Variants in GRIK2 observed in about 807,000 individuals in gnomAD.
GRIK2 encodes glutamate receptor ionotropic, kainate 2.
A neutral mutation model predicts 100.3 loss-of-function variants in GRIK2; 32 were observed. The observed-to-expected ratio is 0.32, with a 90% confidence interval of 0.24 to 0.43. The LOEUF (loss-of-function observed/expected upper bound fraction) is 0.43. GRIK2 is among the 20% of genes least tolerant of loss of function. The pLI, the probability that GRIK2 is intolerant of heterozygous loss-of-function variation, is 1.00. For synonymous variants in GRIK2, 417 were observed against 389.4 expected (o/e 1.07, Z -0.83); for missense variants, 843 against 1,114.9 (o/e 0.76, Z 3.47).
At chr6:101,880,213 T>A (rs1443304926) in intron 11 of GRIK2, among the ~76,000 whole-genome samples, 1 of 152,094 alleles carries the variant, frequency 6.6e-6, no homozygotes, top group Non-Finnish European at 1.5e-5. Flanking sequence ...ACTAGCAGAT[T>A]AAATATACCC....
At chr6:101,937,576 T>G (rs1295369868) in intron 14 of GRIK2, among the ~76,000 whole-genome samples, 1 of 152,124 alleles carries the variant, frequency 6.6e-6, no homozygotes, top group Non-Finnish European at 1.5e-5. Flanking sequence ...TTCTAAAAAT[T>G]TTAGTGCTTT....
At chr6:102,046,331 T>C (rs1770885501) in intron 15 of GRIK2, among the ~76,000 whole-genome samples, 1 of 152,134 alleles carries the variant, frequency 6.6e-6, no homozygotes, top group Non-Finnish European at 1.5e-5. Flanking sequence ...ATTGTTTTGC[T>C]CTGTCCCCAC....
intron 12 of GRIK2, among the ~76,000 whole-genome samples, chr6:101,908,234 A>G (rs1788377598): frequency 1.7e-5 from 1 of 60,424 alleles, no homozygotes; most frequent in Admixed American, 1.9e-4. Context: ...TTGTTGAGTC[A>G]TTTTATTATG....
chr6:101,805,553 A>G (rs1025386272), intron 9 of GRIK2, among the ~76,000 whole-genome samples: 2 of 151,950 alleles, frequency 1.3e-5, no homozygotes, highest in African/African-American at 4.8e-5. Flanking sequence ...CTTCATTCTC[A>G]TTCTGTCTTG....
At chr6:101,823,597 A>G (rs995516491) in intron 10 of GRIK2, among the ~76,000 whole-genome samples, 5 of 152,118 alleles carry the variant, frequency 3.3e-5, no homozygotes, top group African/African-American at 1.2e-4. Context: ...ATTTTCATTT[A>G]TGATGATTTT....
At chr6:101,470,718 A>G (rs1771904120) in intron 2 of GRIK2, among the ~76,000 whole-genome samples, 1 of 152,078 alleles carries the variant, frequency 6.6e-6, no homozygotes, top group Non-Finnish European at 1.5e-5. Flanking sequence ...GCTGCCACCA[A>G]TTTCTTAGAA....
chr6:101,735,483 G>A (rs928500538), intron 7 of GRIK2, among the ~76,000 whole-genome samples: 2 of 152,190 alleles, frequency 1.3e-5, no homozygotes, highest in Non-Finnish European at 1.5e-5. Flanking sequence ...GGCTGGAGAG[G>A]CCTCACAATC....
chr6:101,516,152 ACCATACTG>A (rs1016644658), intron 2 of GRIK2, among the ~76,000 whole-genome samples: 2 of 151,538 alleles, frequency 1.3e-5, no homozygotes, highest in African/African-American at 4.9e-5. Flanking sequence ...TGTGAAAATG[ACCATACTG>A]CCAAAAGCAA....
chr6:101,453,815 A>G (rs984748621), intron 2 of GRIK2, among the ~76,000 whole-genome samples: 4 of 152,016 alleles, frequency 2.6e-5, no homozygotes, highest in South Asian at 2.1e-4. Context: ...CACATATACA[A>G]TATATTTTGT....
intron 7 of GRIK2, among the ~76,000 whole-genome samples, chr6:101,760,019 G>A (rs1398901048): frequency 2.2e-5 from 3 of 135,274 alleles, no homozygotes; most frequent in African/African-American, 9.5e-5. Context: ...ACAGGCGCCC[G>A]CCACCGCGCC....
intron 2 of GRIK2, among the ~76,000 whole-genome samples, chr6:101,581,069 G>C (rs1455397457): frequency 6.6e-6 from 1 of 151,380 alleles, no homozygotes; most frequent in Non-Finnish European, 1.5e-5. Flanking sequence ...CCTTTTTTCA[G>C]TCACTACTGT....
intron 2 of GRIK2, among the ~76,000 whole-genome samples, chr6:101,599,572 A>T (rs1029799511): frequency 4.6e-5 from 7 of 151,322 alleles, no homozygotes; most frequent in Non-Finnish European, 8.9e-5. Context: ...CAGCCTTGCT[A>T]GCCTCTATAC....
At chr6:101,822,763 GA>G (rs978317952) in intron 10 of GRIK2, among the ~76,000 whole-genome samples, 7 of 151,576 alleles carry the variant, frequency 4.6e-5, no homozygotes, top group African/African-American at 1.7e-4. Context: ...TTTTAGGTTA[GA>G]AAGCTGATGT....
At chr6:101,556,798 C>T (rs961281171) in intron 2 of GRIK2, among the ~76,000 whole-genome samples, 3 of 152,148 alleles carry the variant, frequency 2.0e-5, no homozygotes, top group Non-Finnish European at 4.4e-5. Flanking sequence ...AGTATTCAAA[C>T]AGGTCGGTTT....
Position 101,900,230 on chromosome 6 carries a change from C to T in GRIK2, c.1748+10367C>T, listed in dbSNP as rs1477107858. On this transcript the variant is annotated intron_variant, in intron 12 of 16. Transcript: ENST00000369134. ...TTGTAATCCCAGCACTTTGGGAGGC[C>T]GAGGTGGGCAGATCACCTGAGGTCA... Among the ~76,000 whole-genome samples, 5 of 152,084 alleles carry T rather than the reference C, an allele frequency of 3.3e-5. No homozygotes were observed. In the East Asian group the frequency reaches 9.7e-4, roughly 30 times the overall value.
At chr6:101,729,681 G>A (rs1007354692) in intron 7 of GRIK2, among the ~76,000 whole-genome samples, 3 of 149,460 alleles carry the variant, frequency 2.0e-5, no homozygotes, top group Admixed American at 6.7e-5. Flanking sequence ...AAATAAGACC[G>A]TGGTGTGGGA....
At chr6:102,047,425 T>C (rs1346535567) in intron 15 of GRIK2, among the ~76,000 whole-genome samples, 1 of 152,092 alleles carries the variant, frequency 6.6e-6, no homozygotes, top group Admixed American at 6.6e-5. Context: ...GATATCTATG[T>C]TCATAGATTG....
intron 4 of GRIK2, among the ~76,000 whole-genome samples, chr6:101,648,946 A>G (rs558890028): frequency 6.6e-6 from 1 of 152,196 alleles, no homozygotes; most frequent in Admixed American, 6.6e-5. Flanking sequence ...GGGAATTCCT[A>G]TTTATAAAAC....
chr6:101,911,177 A>G (rs913078712), intron 12 of GRIK2, among the ~76,000 whole-genome samples: 1 of 151,532 alleles, frequency 6.6e-6, no homozygotes, highest in Admixed American at 6.6e-5. Context: ...ATGGGTAAGC[A>G]TGTAAAGAGA....
Sources: allele counts gnomAD v4.1 joint callset (sites outside exome capture counted in the v4.1 genomes callset), GRCh38; gene constraint gnomAD v4.1.1; transcripts MANE v1.5; gene names NCBI Gene and HGNC (gene_info 2026-07-23, HGNC 2026-07-21).